Variants in NDNF observed in about 807,000 individuals in gnomAD.
NDNF encodes neuron derived neurotrophic factor.
NDNF carries 16 observed loss-of-function variants against 42.0 expected under a neutral mutation model. The ratio of observed to expected loss-of-function variants is 0.38; its 90% CI spans 0.26 to 0.58. The LOEUF (loss-of-function observed/expected upper bound fraction) is 0.58, where lower values mean the gene tolerates loss of function less well. Among genes scored for constraint, NDNF ranks in the 20% least tolerant of loss-of-function variants. NDNF has a pLI of 0.67. For synonymous variants in NDNF, 248 were observed against 251.7 expected, an observed-to-expected ratio of 0.99 and a Z score of 0.14; for missense variants, 616 against 666.2, an observed-to-expected ratio of 0.92 and a Z score of 0.83.
intron 2 of NDNF, among the ~76,000 whole-genome samples, chr4:121,041,776 A>C (rs781423492): frequency 1.3e-5 from 2 of 152,194 alleles, no homozygotes; most frequent in Non-Finnish European, 2.9e-5. Context: ...AGCATCCCCG[A>C]AGAAATGACT....
At position 121,037,233 on chromosome 4, in the gene NDNF, G is replaced by A; in HGVS notation, c.738C>T (p.Asp246=). The A allele has an allele frequency of 6.2e-7, 1 of 1,614,068 alleles. No homozygotes were observed. Among genetic ancestry groups the A allele is most frequent in the Non-Finnish European group, 8.5e-7 (1 of 1,180,012 alleles). The change falls in exon 4 of 4, where the codon GAC becomes GAT. Residue 246 remains aspartate, a synonymous_variant. Transcript: ENST00000379692. ...AFMMAPKPGL[D]FSPFDFAHFG... Reference sequence around the variant, plus strand: ...AGTGGGCAAAGTCAAAGGGGCTGAAGTCCAGACCAGGTTTCGGTGCCATCA... The same window carrying A: ...AGTGGGCAAAGTCAAAGGGGCTGAAATCCAGACCAGGTTTCGGTGCCATCA...
intron 1 of NDNF, among the ~76,000 whole-genome samples, chr4:121,065,498 T>C (rs1367571000): frequency 4.6e-5 from 7 of 152,102 alleles, no homozygotes; most frequent in Admixed American, 4.6e-4. Context: ...GACAAGCTTT[T>C]AAATGCAAAT....
chr4:121,041,923 C>G (rs1025720130), intron 2 of NDNF, among the ~76,000 whole-genome samples: 8 of 152,038 alleles, frequency 5.3e-5, no homozygotes, highest in Non-Finnish European at 1.2e-4. Context: ...AGTGACAGGA[C>G]AAGAAACAGG....
intron 1 of NDNF, among the ~76,000 whole-genome samples, chr4:121,062,878 A>C (rs2148771628): frequency 6.6e-6 from 1 of 152,276 alleles, no homozygotes; most frequent in East Asian, 1.9e-4. Context: ...CGTGTGAATA[A>C]ACTTTAAATG....
rs202221151 is a variant in NDNF, at chr4:121,037,318, T to C, written c.653A>G (p.Glu218Gly). The C allele has an allele frequency of 2.9e-4, 471 of 1,614,148 alleles. 3 individuals are homozygous for C. Among genetic ancestry groups the C allele is most frequent in the Middle Eastern group, 1.3e-3 (8 of 6,062 alleles). The stretch of plus-strand genomic sequence containing the variant: ...TGCACAGAGACTTTTGAAATTGTGC[T>C]CTTTGTTGATGACCACACAGTACTG... ...PIQYCVVINK[E>G]HNFKSLCAVE... The change falls in exon 4 of 4, where the codon GAG (glutamate) becomes GGG (glycine). Residue 218 changes from glutamate to glycine, a missense_variant. Coordinates refer to ENST00000379692, the MANE Select transcript of NDNF (RefSeq NM_024574.4).
Position 121,037,571 on chromosome 4 carries a change from C to G in NDNF, c.400G>C (p.Glu134Gln). ...ELFSYKGNDV[E>Q]YFISSSSPSG... ...GGGGAACTAGACGATATAAAATACT[C>G]AACATCATTGCCTTTGTAGGAGAAT... is the stretch of plus-strand genomic sequence containing the variant. Residue 134 changes from glutamate to glutamine, a missense_variant, in exon 4 of 4, where the codon GAG (glutamate) becomes CAG (glutamine). Physicochemically the swap from Glu to Gln is conservative, Grantham distance 29. Transcript: ENST00000379692. 1 of 1,613,502 alleles carries G rather than the reference C, an allele frequency of 6.2e-7. No individual in the cohort carries two copies. Among genetic ancestry groups the G allele is most frequent in the Non-Finnish European group, 8.5e-7 (1 of 1,179,842 alleles).
chr4:121,054,517 G>A (rs1471994433), intron 1 of NDNF, among the ~76,000 whole-genome samples: 1 of 152,216 alleles, frequency 6.6e-6, no homozygotes, highest in Non-Finnish European at 1.5e-5. Context: ...GTGAAAGACA[G>A]TGTGGTGATG....
At position 121,036,206 on chromosome 4, in the gene NDNF, T is replaced by C. The variant is rs1234268259; in HGVS notation, c.*58A>G. The C allele has an allele frequency of 7.1e-7, 1 of 1,400,842 alleles. No homozygotes were observed. 86.8% of individuals were successfully genotyped at this position (1,400,842 alleles called of 1,614,324 possible). The stretch of plus-strand genomic sequence containing the variant: ...ACTGTGGGAGTAGTCAGTTTATACT[T>C]AAAGTGATTTAATGTCCCTCCTGGA... On this transcript the variant is annotated 3_prime_UTR_variant, in exon 4 of 4. Transcript: ENST00000379692.
At chr4:121,065,104 T>C (rs1434973288) in intron 1 of NDNF, among the ~76,000 whole-genome samples, 2 of 152,148 alleles carry the variant, frequency 1.3e-5, no homozygotes, top group African/African-American at 2.4e-5. Flanking sequence ...TAGCAGAATG[T>C]CATTATTTTT....
chr4:121,058,357 C>A (rs1727339777), intron 1 of NDNF, among the ~76,000 whole-genome samples: 2 of 152,182 alleles, frequency 1.3e-5, no homozygotes, highest in South Asian at 2.1e-4. Context: ...GGCACCTAAC[C>A]CTCAAGAGTG....
At chr4:121,071,585 G>C (rs966831105) in intron 1 of NDNF, 1 of 152,320 alleles carries the variant, frequency 6.6e-6, no homozygotes, top group Non-Finnish European at 1.5e-5. Flanking sequence ...GGCAAAGTAA[G>C]TGTCCAGGCT....
In NDNF at chr4:121,036,131, C is replaced by T. The variant is rs76137074; in HGVS notation, c.*133G>A. The stretch of plus-strand genomic sequence containing the variant: ...ACTTATATAAACATCAATATACACA[C>T]GTTGATATCCTTCCTTCCATAGTAC... On this transcript the variant is annotated 3_prime_UTR_variant, in exon 4 of 4. Transcript: ENST00000379692. The T allele has an allele frequency of 0.033, 24,912 of 751,640 alleles. 578 individuals carry two copies. The highest frequency in any genetic ancestry group is 0.04 in the Non-Finnish European group (18,067 of 454,620). 46.6% of individuals were successfully genotyped at this position (751,640 alleles called of 1,614,324 possible). A position where few individuals can be genotyped will look rare whatever the true frequency, so the allele number is the denominator to read the frequency against.
intron 2 of NDNF, among the ~76,000 whole-genome samples, chr4:121,043,646 T>G (rs111775789): frequency 7.4e-6 from 1 of 135,818 alleles, no homozygotes; most frequent in South Asian, 2.1e-4. Context: ...CAGGCAAAAC[T>G]TATTTAATTT....
chr4:121,066,283 C>G (rs541919843), intron 1 of NDNF, among the ~76,000 whole-genome samples: 1 of 152,280 alleles, frequency 6.6e-6, no homozygotes, highest in South Asian at 2.1e-4. Context: ...CAGTTTACTA[C>G]GTGTCTTAGC....
In NDNF at chr4:121,057,414, T is replaced by G. The variant is rs1727315299; in HGVS notation, c.-1-11576A>C. On this transcript the variant is annotated intron_variant, in intron 1 of 3. Transcript: ENST00000379692. ...CAGTCTTTGCACCTGGGAACCTGCC[T>G]CATCTGAGTTAACTGCAACCATCAC... 2.0e-5 allele frequency among the ~76,000 whole-genome samples: 3 copies of G among 152,054 alleles called. No individual in the cohort carries two copies. The South Asian group carries it at 6.2e-4, about 31-fold the overall frequency.
At chr4:121,038,831 CAA>C (rs1467305863) in intron 3 of NDNF, 1 of 151,214 alleles carries the variant, frequency 6.6e-6, no homozygotes, top group Non-Finnish European at 1.5e-5. Flanking sequence ...TACAAAAATA[CAA>C]AAAATTAGCT....
At chr4:121,055,787 G>C (rs770759968) in intron 1 of NDNF, among the ~76,000 whole-genome samples, 48 of 151,944 alleles carry the variant, frequency 3.2e-4, no homozygotes, top group Non-Finnish European at 5.6e-4. Context: ...ACATATTAGA[G>C]AAAGGCAATA....
At chr4:121,059,316 C>T (rs7693199) in intron 1 of NDNF, among the ~76,000 whole-genome samples, 130,517 of 152,228 alleles carry the variant, frequency 0.86, 56,121 homozygotes, top group Non-Finnish European at 0.88. Context: ...TGTGGGTGCA[C>T]AACGAATAAA....
At position 121,045,814 on chromosome 4, in the gene NDNF, C is replaced by T. The variant is rs756251925; in HGVS notation, c.24G>A (p.Leu8=). The T allele has an allele frequency of 6.2e-7, 1 of 1,614,118 alleles. No individual in the cohort carries two copies. MVLLHWC[L]LWLLFPLSSR... The stretch of plus-strand genomic sequence containing the variant: ...AGCTGAGTGGAAACAGGAGCCACAG[C>T]AGGCACCAGTGGAGCAGCACCATCC... The change falls in exon 2 of 4, where the codon CTG becomes CTA. Residue 8 remains leucine, a synonymous_variant. Coordinates refer to ENST00000379692, the MANE Select transcript of NDNF (RefSeq NM_024574.4).
Sources: gnomAD v4.1 joint callset for allele counts (sites outside exome capture counted in the v4.1 genomes callset) on GRCh38, gnomAD v4.1.1 for gene constraint, MANE v1.5 for transcripts, NCBI Gene and HGNC (gene_info 2026-07-23, HGNC 2026-07-21) for gene names.